Variants in ARMH3 observed in about 807,000 individuals in gnomAD.
ARMH3 encodes armadillo like helical domain containing 3, also known as armadillo-like helical domain-containing protein 3.
In ARMH3, 60 loss-of-function variants were observed where a neutral mutation model predicts 99.1. The ratio of observed to expected loss-of-function variants is 0.61; its 90% CI spans 0.49 to 0.75. The LOEUF is 0.75. Ranked by LOEUF, ARMH3 falls within the 30% of genes least tolerant of loss-of-function variation. The pLI, the probability that ARMH3 is intolerant of heterozygous loss-of-function variation, is 0.00. For missense variants in ARMH3, 679 were observed against 843.1 expected (o/e 0.81, Z 2.41); for synonymous variants, 285 against 292.8 (o/e 0.97, Z 0.27).
chr10:101,852,157 A>G (rs1005017746), intron 24 of ARMH3, among the ~76,000 whole-genome samples: 2 of 152,234 alleles, frequency 1.3e-5, no homozygotes, highest in Non-Finnish European at 2.9e-5. Flanking sequence ...GCCTTTCCTG[A>G]GCGGTGTCAA....
rs138411163 is a variant in ARMH3, at chr10:102,042,987, G to A, written c.-11-2862C>T. 8.5e-5 allele frequency among the ~76,000 whole-genome samples: 13 copies of A among 152,236 alleles called. No homozygotes were observed. The East Asian group carries it at 1.7e-3, about 20-fold the overall frequency. On this transcript the variant is annotated intron_variant, in intron 1 of 25. Transcript: ENST00000370033. ...CTCAGGAGGCTGAGGCAGGAGAATC[G>A]CTTGAACCTGGGAGGTAGAGGTTGC...
At chr10:102,036,873 A>G (rs1475653975) in intron 2 of ARMH3, among the ~76,000 whole-genome samples, 1 of 151,276 alleles carries the variant, frequency 6.6e-6, no homozygotes, top group African/African-American at 2.4e-5. Flanking sequence ...CAATAAAAAA[A>G]AAAAAAAAAG....
At chr10:101,981,069 G>C (rs1037826684) in intron 19 of ARMH3, among the ~76,000 whole-genome samples, 9 of 151,946 alleles carry the variant, frequency 5.9e-5, no homozygotes, top group African/African-American at 2.2e-4. Flanking sequence ...GGGGGTTGGG[G>C]GGTGAGGGGA....
chr10:101,919,957 C>T (rs1339614745), intron 23 of ARMH3, among the ~76,000 whole-genome samples: 1 of 152,158 alleles, frequency 6.6e-6, no homozygotes, highest in Non-Finnish European at 1.5e-5. Context: ...CTGAATTGCC[C>T]TTGTTGGCTC....
chr10:102,036,411 A>G (rs2067272532), intron 2 of ARMH3, among the ~76,000 whole-genome samples: 1 of 152,196 alleles, frequency 6.6e-6, no homozygotes, highest in African/African-American at 2.4e-5. Flanking sequence ...CATGATGACG[A>G]TGGCGGTTTT....
At chr10:102,023,201 AAAAG>A (rs974563114) in intron 8 of ARMH3, among the ~76,000 whole-genome samples, 6 of 152,144 alleles carry the variant, frequency 3.9e-5, no homozygotes, top group African/African-American at 1.4e-4. Context: ...AAAAAAAAAA[AAAAG>A]TTCTTAGGTG....
chr10:102,045,129 C>CAAAAAAAAAAAA (rs574856341), intron 1 of ARMH3, among the ~76,000 whole-genome samples: 1 of 80,768 alleles, frequency 1.2e-5, no homozygotes, highest in African/African-American at 4.5e-5. Context: ...GCCCTTGTCT[C>CAAAAAAAAAAAA]AAAAAAAAAA....
intron 1 of ARMH3, among the ~76,000 whole-genome samples, chr10:102,050,030 C>G (rs1401285726): frequency 1.3e-5 from 2 of 152,156 alleles, no homozygotes; most frequent in Admixed American, 1.3e-4. Flanking sequence ...GTAATCCCAG[C>G]TACTCGGGAG....
At chr10:102,043,916 C>T (rs749825080) in intron 1 of ARMH3, among the ~76,000 whole-genome samples, 3 of 151,986 alleles carry the variant, frequency 2.0e-5, no homozygotes, top group Non-Finnish European at 2.9e-5. Context: ...ACAAGTTATA[C>T]AACTTTTTTT....
intron 23 of ARMH3, among the ~76,000 whole-genome samples, chr10:101,938,697 T>C (rs1340451251): frequency 6.6e-6 from 1 of 152,250 alleles, no homozygotes; most frequent in Non-Finnish European, 1.5e-5. Flanking sequence ...TTGTAATTCC[T>C]GATTCTTACA....
At chr10:101,947,109 C>A (rs1418795523) in intron 22 of ARMH3, among the ~76,000 whole-genome samples, 2 of 151,808 alleles carry the variant, frequency 1.3e-5, no homozygotes, top group Non-Finnish European at 2.9e-5. Context: ...ATAGCTTGAA[C>A]CCGGGAGGCA....
chr10:102,011,061 C>T (rs1388864818), intron 11 of ARMH3, among the ~76,000 whole-genome samples: 1 of 152,156 alleles, frequency 6.6e-6, no homozygotes, highest in East Asian at 1.9e-4. Flanking sequence ...CTGAATCTGC[C>T]TAGATTCTAG....
intron 23 of ARMH3, among the ~76,000 whole-genome samples, chr10:101,926,272 C>T (rs545457450): frequency 1.4e-3 from 218 of 152,314 alleles, no homozygotes; most frequent in African/African-American, 5.1e-3. Flanking sequence ...ACTGCAGCCT[C>T]GAACTCCTGG....
intron 8 of ARMH3, among the ~76,000 whole-genome samples, chr10:102,021,372 C>A (rs1462457538): frequency 2.7e-5 from 4 of 150,564 alleles, no homozygotes; most frequent in African/African-American, 9.8e-5. Flanking sequence ...AAGCTACCGT[C>A]CCCAGCCTTA....
At chr10:101,850,292 T>G (rs2066565240) in intron 24 of ARMH3, among the ~76,000 whole-genome samples, 1 of 151,724 alleles carries the variant, frequency 6.6e-6, no homozygotes, top group Admixed American at 6.6e-5. Flanking sequence ...AGAGATGGTG[T>G]TTCGCCATGT....
chr10:102,053,978 T>C (rs976515143), intron 1 of ARMH3, among the ~76,000 whole-genome samples: 11 of 152,206 alleles, frequency 7.2e-5, no homozygotes, highest in African/African-American at 2.4e-4. Context: ...TTATATATCC[T>C]GGATCAATTT....
chr10:101,908,456 T>C (rs1008953739), intron 23 of ARMH3, among the ~76,000 whole-genome samples: 2 of 152,224 alleles, frequency 1.3e-5, no homozygotes, highest in African/African-American at 2.4e-5. Context: ...CTGGGCACTG[T>C]AGAATGTTTA....
At chr10:101,995,445 A>G (rs533198046) in intron 15 of ARMH3, 90 bp from the exon 16 acceptor site, 1 of 1,070,828 alleles carries the variant, frequency 9.3e-7, no homozygotes, top group African/African-American at 1.6e-5. Context: ...TCATAAAAGG[A>G]AACATTCACA....
chr10:102,042,189 T>C (rs1406009643), intron 1 of ARMH3, among the ~76,000 whole-genome samples: 2 of 152,190 alleles, frequency 1.3e-5, no homozygotes, highest in Non-Finnish European at 2.9e-5. Flanking sequence ...AAAAATAAAT[T>C]GGAAATCAAG....
Sources: gnomAD v4.1 joint callset for allele counts (sites outside exome capture counted in the v4.1 genomes callset) on GRCh38, gnomAD v4.1.1 for gene constraint, MANE v1.5 for transcripts, NCBI Gene and HGNC (gene_info 2026-07-23, HGNC 2026-07-21) for gene names.